The following PDHX variants were observed in gnomAD, a reference collection of about 807,000 sequenced individuals.
The protein encoded by PDHX is pyruvate dehydrogenase protein X component, mitochondrial.
A neutral mutation model predicts 55.3 loss-of-function variants in PDHX; 33 were observed. The ratio of observed to expected loss-of-function variants is 0.60; its 90% CI spans 0.45 to 0.80. PDHX has a LOEUF of 0.80. Among genes scored for constraint, PDHX ranks in the 30% least tolerant of loss-of-function variants. The pLI, the probability that PDHX is intolerant of heterozygous loss-of-function variation, is 0.00. For missense variants in PDHX, 622 were observed against 619.9 expected (o/e 1.00, Z -0.04); for synonymous variants, 226 against 219.4 (o/e 1.03, Z -0.27).
At chr11:34,928,376 T>C (rs1183686219) in intron 1 of PDHX, among the ~76,000 whole-genome samples, 1 of 151,994 alleles carries the variant, frequency 6.6e-6, no homozygotes, top group Non-Finnish European at 1.5e-5. Context: ...TGGGACTTTT[T>C]TTTTTTTAAG....
intron 1 of PDHX, 146 bp downstream of exon 1, chr11:34,916,961 G>A: frequency 1.2e-6 from 1 of 851,038 alleles, no homozygotes; most frequent in Non-Finnish European, 1.9e-6. Flanking sequence ...GGGGTCCGCC[G>A]ACTTGGCCTA....
chr11:34,955,409 T>C (rs1180103762), intron 3 of PDHX, among the ~76,000 whole-genome samples: 1 of 152,166 alleles, frequency 6.6e-6, no homozygotes, highest in Non-Finnish European at 1.5e-5. Flanking sequence ...GTTGAAGAAA[T>C]TATCTTAAAT....
chr11:34,950,254 G>A lies in PDHX; in HGVS notation c.342+2648G>A, dbSNP rs184860079. Among the ~76,000 whole-genome samples the A allele has an allele frequency of 3.3e-5, 5 of 151,928 alleles. No individual in the cohort carries two copies. The East Asian group carries it at 7.7e-4, about 23-fold the overall frequency. ...TTCAAATGATTCTTCTGTCTAGACC[G>A]TGATATTTTTAATTGAGAAAATAGC... On this transcript the variant is annotated intron_variant, in intron 3 of 10. Transcript: ENST00000227868.
upstream of PDHX, chr11:34,916,403 G>A (rs1274983641): frequency 6.6e-7 from 1 of 1,520,198 alleles, no homozygotes; most frequent in Non-Finnish European, 8.8e-7. Context: ...GGCAGCCCGG[G>A]GGCGGGGCGA....
chr11:34,921,401 A>C (rs1011623460), intron 1 of PDHX, among the ~76,000 whole-genome samples: 1 of 151,202 alleles, frequency 6.6e-6, no homozygotes, highest in Admixed American at 6.6e-5. Context: ...TTAAGTGCTC[A>C]CCATCATTTC....
Position 34,971,622 on chromosome 11 carries a change from C to T in PDHX, c.964+1336C>T, listed in dbSNP as rs368196978. On this transcript the variant is annotated intron_variant, in intron 7 of 10. Coordinates refer to ENST00000227868, the MANE Select transcript of PDHX (RefSeq NM_003477.3). ...CAAATGTTGAATCAACTTTGTATTCCTCATATAAAATCCACTTAATGATTA... is the reference window on the plus strand; with the variant it reads ...CAAATGTTGAATCAACTTTGTATTCTTCATATAAAATCCACTTAATGATTA... Among the ~76,000 whole-genome samples the T allele has an allele frequency of 4.7e-4, 71 of 152,052 alleles. 1 individual carries two copies. Among genetic ancestry groups the T allele is most frequent in the African/African-American group, 1.6e-3 (67 of 41,486 alleles).
chr11:34,937,730 T>C (rs1369745945), intron 2 of PDHX, among the ~76,000 whole-genome samples: 1 of 152,148 alleles, frequency 6.6e-6, no homozygotes, highest in Non-Finnish European at 1.5e-5. Flanking sequence ...TAAAGAGTCC[T>C]CCTGAGGGTC....
At chr11:34,935,739 C>T (rs1854293925) in intron 2 of PDHX, among the ~76,000 whole-genome samples, 1 of 152,150 alleles carries the variant, frequency 6.6e-6, no homozygotes, top group Non-Finnish European at 1.5e-5. Context: ...TATTATGCGT[C>T]ATCTGGAGCA....
chr11:34,957,688 G>A, intron 4 of PDHX, 105 bp downstream of exon 4: 1 of 916,560 alleles, frequency 1.1e-6, no homozygotes, highest in Non-Finnish European at 1.7e-6. Context: ...ACATCACGTA[G>A]GAAGTTGCTG....
intron 6 of PDHX, among the ~76,000 whole-genome samples, 188 bp downstream of exon 6, chr11:34,967,002 C>T (rs566412837): frequency 1.3e-5 from 2 of 152,160 alleles, no homozygotes; most frequent in African/African-American, 4.8e-5. Flanking sequence ...TAGGCACGCA[C>T]CACCACACCC....
intron 2 of PDHX, 89 bp from the exon 3 acceptor site, chr11:34,947,417 G>A: frequency 2.3e-6 from 2 of 851,600 alleles, no homozygotes; most frequent in South Asian, 1.5e-5. Flanking sequence ...GAATATTTTG[G>A]TATTTATTTA....
chr11:34,925,839 C>T (rs1465548555), intron 1 of PDHX, among the ~76,000 whole-genome samples: 2 of 152,136 alleles, frequency 1.3e-5, no homozygotes, highest in Non-Finnish European at 2.9e-5. Context: ...TTCATTGTAG[C>T]ATTTGGGATT....
At chr11:34,961,736 A>G (rs1363181401) in intron 5 of PDHX, among the ~76,000 whole-genome samples, 1 of 152,206 alleles carries the variant, frequency 6.6e-6, no homozygotes, top group East Asian at 1.9e-4. Flanking sequence ...TAATTTGTTA[A>G]CTGAATGTAT....
intron 9 of PDHX, among the ~76,000 whole-genome samples, chr11:34,987,438 A>G (rs76818110): frequency 0.047 from 7,183 of 152,244 alleles, 540 homozygotes; most frequent in African/African-American, 0.16. Flanking sequence ...TGCATGGCCT[A>G]TTTAACATAA....
intron 1 of PDHX, among the ~76,000 whole-genome samples, chr11:34,919,332 A>G (rs894245731): frequency 6.6e-6 from 1 of 152,258 alleles, no homozygotes; most frequent in Non-Finnish European, 1.5e-5. Flanking sequence ...CTGTAGTTTT[A>G]TAAAACTAAA....
At chr11:34,977,464 A>G (rs1855404150) in intron 7 of PDHX, among the ~76,000 whole-genome samples, 1 of 152,190 alleles carries the variant, frequency 6.6e-6, no homozygotes, top group Non-Finnish European at 1.5e-5. Context: ...CCATAAAACT[A>G]TGGATGGAGA....
In PDHX at chr11:34,990,985, T is replaced by C. The variant is rs78922144; in HGVS notation, c.1183-1330T>C. Among the ~76,000 whole-genome samples, 1,213 of 152,292 alleles carry C rather than the reference T, an allele frequency of 8.0e-3. 20 individuals carry two copies. Among genetic ancestry groups the C allele is most frequent in the African/African-American group, 0.028 (1,166 of 41,540 alleles). Reference sequence around the variant, plus strand: ...AAATGACAGTGACCTCATTTTTCTGTACCCTTCCTCTTAAGTTAATTCGTT... The same window carrying C: ...AAATGACAGTGACCTCATTTTTCTGCACCCTTCCTCTTAAGTTAATTCGTT... On this transcript the variant is annotated intron_variant, in intron 9 of 10. Coordinates refer to ENST00000227868, the MANE Select transcript of PDHX (RefSeq NM_003477.3).
At position 34,984,673 on chromosome 11, in the gene PDHX, C is replaced by A; in HGVS notation, c.1127C>A (p.Pro376Gln). ...GCAACAGATAAAGGCTTACTTACTCCAATCATAAAAGATGCTGCTGCTAAA... is the reference window on the plus strand; with the variant it reads ...GCAACAGATAAAGGCTTACTTACTCAAATCATAAAAGATGCTGCTGCTAAA... ...AVATDKGLLT[P>Q]IIKDAAAKGI... The change falls in exon 9 of 11, where the codon CCA (proline) becomes CAA (glutamine). Residue 376 changes from proline (P) to glutamine (Q), a missense_variant. By Grantham distance (76) the Pro-to-Gln change is moderately conservative (BLOSUM62 -1). Coordinates refer to ENST00000227868, the MANE Select transcript of PDHX (RefSeq NM_003477.3). 6.2e-7 allele frequency: 1 copy of A among 1,614,010 alleles called. No individual in the cohort carries two copies. The highest frequency in any genetic ancestry group is 8.5e-7 in the Non-Finnish European group (1 of 1,179,886).
chr11:34,918,990 C>T (rs1158163310), intron 1 of PDHX, among the ~76,000 whole-genome samples: 1 of 152,214 alleles, frequency 6.6e-6, no homozygotes, highest in Admixed American at 6.5e-5. Flanking sequence ...ATATTTTCCC[C>T]ATCTCAAGGT....
Sources: gnomAD v4.1 joint callset for allele counts (sites outside exome capture counted in the v4.1 genomes callset) on GRCh38, gnomAD v4.1.1 for gene constraint, MANE v1.5 for transcripts, NCBI Gene and HGNC (gene_info 2026-07-23, HGNC 2026-07-21) for gene names.